FBXL7: variants seen among roughly 807,000 people sequenced by gnomAD.
The protein encoded by FBXL7 is F-box and leucine rich repeat protein 7, also known as F-box/LRR-repeat protein 7.
A neutral mutation model predicts 38.3 loss-of-function variants in FBXL7; 12 were observed. The observed-to-expected ratio is 0.31, with a 90% CI of 0.20 to 0.51. FBXL7 has a LOEUF of 0.51. Ranked by LOEUF, FBXL7 falls within the 20% of genes least tolerant of loss-of-function variation. The pLI is 0.98. For synonymous variants in FBXL7, 297 were observed against 300.9 expected, an observed-to-expected ratio of 0.99 and a Z score of 0.13; for missense variants, 567 against 676.4, an observed-to-expected ratio of 0.84 and a Z score of 1.79.
intron 2 of FBXL7, among the ~76,000 whole-genome samples, chr5:15,651,695 C>T (rs965687229): frequency 6.6e-6 from 1 of 152,172 alleles, no homozygotes; most frequent in East Asian, 1.9e-4. Flanking sequence ...TAGCATAATT[C>T]ATCAGAGCCC....
At chr5:15,539,566 G>T (rs191710172) in intron 1 of FBXL7, among the ~76,000 whole-genome samples, 8 of 152,172 alleles carry the variant, frequency 5.3e-5, no homozygotes, top group Non-Finnish European at 1.2e-4. Flanking sequence ...GCAGACTGAG[G>T]ACTCTTGGTC....
chr5:15,658,381 C>G (rs1422093349), intron 2 of FBXL7, among the ~76,000 whole-genome samples: 1 of 152,064 alleles, frequency 6.6e-6, no homozygotes, highest in Non-Finnish European at 1.5e-5. Context: ...TCCCATTATC[C>G]CCACTTTTCG....
intron 2 of FBXL7, among the ~76,000 whole-genome samples, chr5:15,856,961 G>A (rs1192515171): frequency 2.6e-5 from 4 of 152,170 alleles, no homozygotes; most frequent in Admixed American, 6.5e-5. Flanking sequence ...ATGTATGTAT[G>A]CAAGTATTTT....
chr5:15,807,237 T>C (rs1472258262), intron 2 of FBXL7, among the ~76,000 whole-genome samples: 1 of 152,196 alleles, frequency 6.6e-6, no homozygotes, highest in Non-Finnish European at 1.5e-5. Flanking sequence ...CCACCATGAC[T>C]GGCCTGATTG....
rs1416360186 is a variant in FBXL7, at chr5:15,928,442, A to G, written c.680A>G (p.Asn227Ser). 1 of 1,613,970 alleles carries G rather than the reference A, an allele frequency of 6.2e-7. No homozygotes were observed. The highest frequency in any genetic ancestry group is 8.5e-7 in the Non-Finnish European group (1 of 1,179,876). Reference protein sequence around the residue: ...LEVSGCYNISNEAVFDVVSLC... With the variant: ...LEVSGCYNISSEAVFDVVSLC... ...GTCTCAGGCTGTTACAATATCTCCA[A>G]CGAGGCCGTCTTTGATGTGGTGTCC... Residue 227 changes from asparagine (N) to serine (S), a missense_variant, in exon 3 of 4, where the codon AAC (asparagine) becomes AGC (serine). Asn to Ser is a conservative substitution (Grantham distance 46). Transcript: ENST00000504595. The surrounding 1 kb of genome is among the most constrained non-coding windows in gnomAD (Gnocchi z 4.0).
intron 1 of FBXL7, among the ~76,000 whole-genome samples, chr5:15,569,577 T>A (rs1449524510): frequency 2.0e-5 from 3 of 151,266 alleles, no homozygotes; most frequent in Non-Finnish European, 4.4e-5. Context: ...TTGAATACCC[T>A]TTATTTCCTT....
At chr5:15,681,509 A>T (rs1345529683) in intron 2 of FBXL7, among the ~76,000 whole-genome samples, 3 of 152,218 alleles carry the variant, frequency 2.0e-5, no homozygotes, top group Non-Finnish European at 4.4e-5. Context: ...ATATTCTCAC[A>T]TGCATAGATT....
intron 2 of FBXL7, among the ~76,000 whole-genome samples, chr5:15,776,985 T>C (rs1736872716): frequency 6.6e-6 from 1 of 152,146 alleles, no homozygotes; most frequent in Admixed American, 6.6e-5. Context: ...CTGTATATGA[T>C]TGTGCTTTGT....
chr5:15,546,100 A>G (rs962761412), intron 1 of FBXL7, among the ~76,000 whole-genome samples: 3 of 152,250 alleles, frequency 2.0e-5, no homozygotes, highest in Admixed American at 2.0e-4. Flanking sequence ...TAAATGATAC[A>G]TATTATAATT....
At chr5:15,630,465 A>G (rs888810599) in intron 2 of FBXL7, among the ~76,000 whole-genome samples, 6 of 152,060 alleles carry the variant, frequency 3.9e-5, no homozygotes, top group African/African-American at 9.7e-5. Flanking sequence ...GGTTTGTTTA[A>G]TATGTGTGCT....
At chr5:15,628,742 A>G (rs1054766035) in intron 2 of FBXL7, among the ~76,000 whole-genome samples, 1 of 152,170 alleles carries the variant, frequency 6.6e-6, no homozygotes. Context: ...TCTTTTGAGT[A>G]TAATTTTGAA....
chr5:15,626,146 T>A (rs1327857776), intron 2 of FBXL7, among the ~76,000 whole-genome samples: 1 of 152,036 alleles, frequency 6.6e-6, no homozygotes, highest in African/African-American at 2.4e-5. Context: ...TTTGCAAGAC[T>A]TTAGCCTTTG....
chr5:15,743,202 A>C (rs1415412655), intron 2 of FBXL7, among the ~76,000 whole-genome samples: 2 of 152,140 alleles, frequency 1.3e-5, no homozygotes, highest in Non-Finnish European at 2.9e-5. Context: ...TTCCAGTATT[A>C]ACTCAAAAGT....
chr5:15,859,949 T>G (rs1739407751), intron 2 of FBXL7, among the ~76,000 whole-genome samples: 3 of 152,230 alleles, frequency 2.0e-5, no homozygotes, highest in African/African-American at 4.8e-5. Flanking sequence ...CTCATAAGTT[T>G]ATCCTCTTTA....
intron 2 of FBXL7, among the ~76,000 whole-genome samples, chr5:15,824,311 AG>A (rs1257952709): frequency 5.3e-5 from 8 of 149,542 alleles, no homozygotes; most frequent in African/African-American, 1.5e-4. Flanking sequence ...AAAAAAAAAA[AG>A]AGAAAAACGT....
chr5:15,576,507 T>C (rs773891294), intron 1 of FBXL7, among the ~76,000 whole-genome samples: 46 of 152,202 alleles, frequency 3.0e-4, no homozygotes, highest in Non-Finnish European at 5.7e-4. Flanking sequence ...AATGATAATA[T>C]TCAAGTAGCT....
intron 2 of FBXL7, among the ~76,000 whole-genome samples, chr5:15,898,906 AT>A (rs1003280114): frequency 3.2e-4 from 48 of 149,958 alleles, no homozygotes; most frequent in South Asian, 6.3e-4. Flanking sequence ...AATTACAAGG[AT>A]TTTTTTTTTC....
intron 2 of FBXL7, among the ~76,000 whole-genome samples, chr5:15,651,678 G>A (rs1386623706): frequency 2.6e-5 from 4 of 152,182 alleles, no homozygotes; most frequent in African/African-American, 9.7e-5. Context: ...CACAGACAGA[G>A]TAAATTTAGC....
At chr5:15,771,977 A>G (rs1196108714) in intron 2 of FBXL7, among the ~76,000 whole-genome samples, 2 of 151,728 alleles carry the variant, frequency 1.3e-5, no homozygotes, top group Non-Finnish European at 2.9e-5. Context: ...CACCATGTTA[A>G]TCAGGCTGGT....
Sources: allele counts gnomAD v4.1 joint callset (sites outside exome capture counted in the v4.1 genomes callset), GRCh38; gene constraint gnomAD v4.1.1; non-coding constraint Gnocchi (gnomAD v3.1); transcripts MANE v1.5; gene names NCBI Gene and HGNC (gene_info 2026-07-23, HGNC 2026-07-21).